Variants in RMND1 observed in about 807,000 individuals in gnomAD.
The protein encoded by RMND1 is required for meiotic nuclear division 1 homolog, also known as required for meiotic nuclear division protein 1 homolog.
A neutral mutation model predicts 54.0 loss-of-function variants in RMND1; 41 were observed. That is an observed-to-expected ratio of 0.76 (90% CI 0.59 to 0.98). The LOEUF is 0.98. RMND1 is among the 50% of genes least tolerant of loss of function. The probability of loss-of-function intolerance (pLI) is 0.00; values close to 1 mark genes in which losing one functional copy is unlikely to be tolerated. For synonymous variants in RMND1, 183 were observed against 181.7 expected (o/e 1.01, Z -0.06); for missense variants, 457 against 532.0 (o/e 0.86, Z 1.39).
intron 10 of RMND1, 185 bp downstream of exon 10, chr6:151,417,094 T>C (rs1452753498): frequency 1.8e-6 from 1 of 540,740 alleles, no homozygotes; most frequent in Non-Finnish European, 3.2e-6. Flanking sequence ...ATCTAGTCTG[T>C]AGAGCTAATA....
At chr6:151,424,245 GGT>G (rs1488302089) in intron 6 of RMND1, among the ~76,000 whole-genome samples, 1 of 152,054 alleles carries the variant, frequency 6.6e-6, no homozygotes, top group Non-Finnish European at 1.5e-5. Flanking sequence ...TGGATCACGA[GGT>G]CAGGAGATTG....
chr6:151,423,386 C>T, intron 7 of RMND1, 139 bp downstream of exon 7: 2 of 596,010 alleles, frequency 3.4e-6, no homozygotes, highest in African/African-American at 1.9e-5. Context: ...GATATTTTTT[C>T]TGATGGAGGG....
intron 10 of RMND1, among the ~76,000 whole-genome samples, chr6:151,407,595 C>T (rs1391050814): frequency 1.3e-5 from 2 of 152,080 alleles, no homozygotes; most frequent in African/African-American, 4.8e-5. Flanking sequence ...CATCTGACAA[C>T]ACACTGAAAT....
chr6:151,440,982 T>C (rs1015760939), intron 2 of RMND1, among the ~76,000 whole-genome samples: 2 of 151,958 alleles, frequency 1.3e-5, no homozygotes, highest in Non-Finnish European at 2.9e-5. Context: ...ACCTTCCTGT[T>C]AAATAGATGT....
At chr6:151,421,404 A>G (rs1780147454) in intron 8 of RMND1, 83 bp from the exon 9 acceptor site, 2 of 927,236 alleles carry the variant, frequency 2.2e-6, no homozygotes, top group Non-Finnish European at 1.7e-6. Flanking sequence ...CAAAATCTGA[A>G]GTGGCATAAT....
At chr6:151,431,142 G>A (rs1780437504) in intron 4 of RMND1, among the ~76,000 whole-genome samples, 3 of 152,038 alleles carry the variant, frequency 2.0e-5, no homozygotes, top group African/African-American at 7.2e-5. Context: ...GAGAAAACAA[G>A]AGGAGACAAC....
At chr6:151,424,456 C>CT (rs1434431794) in intron 6 of RMND1, among the ~76,000 whole-genome samples, 1 of 142,574 alleles carries the variant, frequency 7.0e-6, no homozygotes, top group African/African-American at 2.6e-5. Context: ...GAGCAAGACT[C>CT]TGTCTCCAAA....
At chr6:151,429,797 C>G (rs1305695901) in intron 5 of RMND1, among the ~76,000 whole-genome samples, 1 of 152,148 alleles carries the variant, frequency 6.6e-6, no homozygotes, top group African/African-American at 2.4e-5. Flanking sequence ...TTCTAGACAA[C>G]TTGACTTAAA....
At chr6:151,427,073 T>A (rs927589706) in intron 6 of RMND1, among the ~76,000 whole-genome samples, 41 of 151,494 alleles carry the variant, frequency 2.7e-4, no homozygotes, top group Admixed American at 2.6e-3. Flanking sequence ...GCCTGGCCAC[T>A]TTTTTCTTAA....
Position 151,429,123 on chromosome 6 carries a change from C to CTTTT in RMND1, c.729+1011_729+1014dup, listed in dbSNP as rs528642361. On this transcript the variant is annotated intron_variant, in intron 5 of 11. Coordinates refer to ENST00000444024, the MANE Select transcript of RMND1 (RefSeq NM_017909.4). The stretch of plus-strand genomic sequence containing the variant: ...TATATTGGTTATATTTTGTAACCCG[C>CTTTT]TTTTTTTTTTTTTTGAAGACAAGAG... 7.9e-3 allele frequency among the ~76,000 whole-genome samples: 1,105 copies of CTTTT among 140,030 alleles called. 15 individuals are homozygous for CTTTT. Among genetic ancestry groups the CTTTT allele is most frequent in the African/African-American group, 0.025 (947 of 38,296 alleles). 91.9% of individuals were successfully genotyped at this position (140,030 alleles called of 152,430 possible).
chr6:151,422,252 C>T (rs944698535), intron 8 of RMND1, among the ~76,000 whole-genome samples: 2 of 150,182 alleles, frequency 1.3e-5, no homozygotes, highest in Non-Finnish European at 2.9e-5. Flanking sequence ...TTATTATTTC[C>T]TAAATAATAC....
At chr6:151,417,528 G>A (rs908832090) in intron 9 of RMND1, 129 bp from the exon 10 acceptor site, 2 of 659,880 alleles carry the variant, frequency 3.0e-6, no homozygotes, top group Non-Finnish European at 4.8e-6. Flanking sequence ...GTCTTGCTAT[G>A]TTACCCGGGA....
rs141540931 is a variant in RMND1, at chr6:151,439,996, G to T, written c.505-3442C>A. On this transcript the variant is annotated intron_variant, in intron 2 of 11. Transcript: ENST00000444024. ...TTTTGAGACGGAGTCTTCCTCTGTCGCCCAGGCGTGAGGGCAGTGGTGCGA... is the reference window on the plus strand; with the variant it reads ...TTTTGAGACGGAGTCTTCCTCTGTCTCCCAGGCGTGAGGGCAGTGGTGCGA... Among the ~76,000 whole-genome samples, 6 of 152,036 alleles carry T rather than the reference G, an allele frequency of 3.9e-5. No individual in the cohort carries two copies. The East Asian group carries it at 1.2e-3, about 29-fold the overall frequency.
chr6:151,440,328 A>T (rs1780739981), intron 2 of RMND1, among the ~76,000 whole-genome samples: 1 of 152,248 alleles, frequency 6.6e-6, no homozygotes, highest in African/African-American at 2.4e-5. Flanking sequence ...TAAAAGGCTC[A>T]ATATATTCAG....
intron 2 of RMND1, among the ~76,000 whole-genome samples, chr6:151,443,808 C>T (rs1161939470): frequency 6.6e-6 from 1 of 152,026 alleles, no homozygotes; most frequent in African/African-American, 2.4e-5. Flanking sequence ...TTTACTCTGC[C>T]CTCTCCCACA....
At chr6:151,449,919 G>A (rs928347334) in intron 1 of RMND1, among the ~76,000 whole-genome samples, 5 of 152,204 alleles carry the variant, frequency 3.3e-5, no homozygotes, top group African/African-American at 1.2e-4. Flanking sequence ...CCGAGGTGCC[G>A]GGTTTGCAGA....
chr6:151,445,199 A>T, intron 2 of RMND1, 109 bp downstream of exon 2: 1 of 1,105,386 alleles, frequency 9.0e-7, no homozygotes, highest in Non-Finnish European at 1.3e-6. Flanking sequence ...AAGAAGTCTG[A>T]GTGACTGCTA....
At chr6:151,448,975 G>A (rs1306637047) in intron 1 of RMND1, among the ~76,000 whole-genome samples, 1 of 149,158 alleles carries the variant, frequency 6.7e-6, no homozygotes, top group African/African-American at 2.5e-5. Flanking sequence ...TACTTGGGAG[G>A]CTGAGGCACG....
At chr6:151,430,006 A>G (rs1582957434) in intron 5 of RMND1, 132 bp downstream of exon 5, 2 of 613,608 alleles carry the variant, frequency 3.3e-6, no homozygotes, top group South Asian at 4.2e-5. Flanking sequence ...ACTGATAAGT[A>G]TCATGTAATG....
Sources: gnomAD v4.1 joint callset for allele counts (sites outside exome capture counted in the v4.1 genomes callset) on GRCh38, gnomAD v4.1.1 for gene constraint, MANE v1.5 for transcripts, NCBI Gene and HGNC (gene_info 2026-07-23, HGNC 2026-07-21) for gene names.